Variants in GLIS3 observed in about 807,000 individuals in gnomAD.
The protein encoded by GLIS3 is zinc finger protein GLIS3.
GLIS3 carries 53 observed loss-of-function variants against 78.6 expected under a neutral mutation model. The ratio of observed to expected loss-of-function variants is 0.67; its 90% CI spans 0.54 to 0.85. The LOEUF (loss-of-function observed/expected upper bound fraction) is 0.85. Ranked by LOEUF, GLIS3 falls within the 40% of genes least tolerant of loss-of-function variation. The pLI is 0.00. For synonymous variants in GLIS3, 684 were observed against 509.9 expected (o/e 1.34, Z -4.60); for missense variants, 1,703 against 1,231.1 (o/e 1.38, Z -5.74).
At chr9:4,338,840 T>G (rs1219642258) in intron 2 of GLIS3, among the ~76,000 whole-genome samples, 1 of 152,172 alleles carries the variant, frequency 6.6e-6, no homozygotes, top group Non-Finnish European at 1.5e-5. Context: ...CAGAGATCCT[T>G]ATTTAATTGG....
the GLIS3 span, among the ~76,000 whole-genome samples, chr9:4,393,769 C>T: frequency 6.6e-6 from 1 of 152,150 alleles, no homozygotes; most frequent in Admixed American, 6.5e-5. Flanking sequence ...TCAGGAGGTA[C>T]ATTATGTTAG....
intron 4 of GLIS3, among the ~76,000 whole-genome samples, chr9:4,005,733 T>C (rs1821490776): frequency 6.6e-6 from 1 of 152,172 alleles, no homozygotes; most frequent in South Asian, 2.1e-4. Flanking sequence ...AACCTAAACA[T>C]CTGCCAACAG....
At chr9:4,189,555 C>G (rs1278224876) in intron 2 of GLIS3, among the ~76,000 whole-genome samples, 2 of 152,062 alleles carry the variant, frequency 1.3e-5, no homozygotes, top group African/African-American at 4.8e-5. Flanking sequence ...TCGTTGTTAA[C>G]TTTCTGTCTC....
chr9:3,857,705 C>T lies in GLIS3; in HGVS notation c.2298-1521G>A, dbSNP rs185910973. 5.3e-5 allele frequency among the ~76,000 whole-genome samples: 8 copies of T among 152,248 alleles called. No individual in the cohort carries two copies. In the East Asian group the frequency reaches 5.8e-4, roughly 11 times the overall value. ...GAAAGAGAATAGTAAGTGACTGCACCGTGCTGAGTAAATACACATTTTCTG... is the reference window on the plus strand; with the variant it reads ...GAAAGAGAATAGTAAGTGACTGCACTGTGCTGAGTAAATACACATTTTCTG... On this transcript the variant is annotated intron_variant, in intron 8 of 10. Transcript: ENST00000381971.
At chr9:4,242,372 C>T (rs949028324) in intron 2 of GLIS3, among the ~76,000 whole-genome samples, 1 of 152,142 alleles carries the variant, frequency 6.6e-6, no homozygotes, top group Non-Finnish European at 1.5e-5. Context: ...ATACTTATTG[C>T]TCAAAAACTT....
chr9:4,176,478 A>T (rs994484423), intron 2 of GLIS3, among the ~76,000 whole-genome samples: 1 of 152,058 alleles, frequency 6.6e-6, no homozygotes. Context: ...TTGTAGACTT[A>T]ATTTTAATAT....
intron 4 of GLIS3, among the ~76,000 whole-genome samples, chr9:4,050,414 AGGGC>A (rs1825655195): frequency 6.6e-6 from 1 of 151,942 alleles, no homozygotes; most frequent in Non-Finnish European, 1.5e-5. Context: ...ACTTGTACAC[AGGGC>A]GGGGAACATC....
intron 10 of GLIS3, 77 bp from the exon 11 acceptor site, chr9:3,828,485 C>T: frequency 1.3e-6 from 2 of 1,579,388 alleles, no homozygotes; most frequent in Non-Finnish European, 8.6e-7. Context: ...TACAGTAATG[C>T]AGCTCACCAA....
the GLIS3 span, among the ~76,000 whole-genome samples, chr9:4,432,020 G>T: frequency 1.3e-5 from 2 of 152,114 alleles, no homozygotes; most frequent in Admixed American, 1.3e-4. Flanking sequence ...CAGGCAGCAG[G>T]ACCGATCTGG....
At chr9:4,448,131 G>C in the GLIS3 span, among the ~76,000 whole-genome samples, 1 of 152,268 alleles carries the variant, frequency 6.6e-6, no homozygotes, top group Non-Finnish European at 1.5e-5. Flanking sequence ...AAACTCTCAT[G>C]TGATTCCTCA....
At chr9:4,366,708 C>A in the GLIS3 span, among the ~76,000 whole-genome samples, 2 of 152,190 alleles carry the variant, frequency 1.3e-5, no homozygotes, top group African/African-American at 4.8e-5. Flanking sequence ...TCTGAGCTGG[C>A]TGGAGGCTCC....
Position 4,015,301 on chromosome 9 carries a change from A to G in GLIS3, c.1711-78112T>C, listed in dbSNP as rs192024102. Among the ~76,000 whole-genome samples the G allele has an allele frequency of 1.1e-3, 162 of 152,298 alleles. 1 individual carries two copies. Among genetic ancestry groups the G allele is most frequent in the African/African-American group, 3.7e-3 (154 of 41,558 alleles). On this transcript the variant is annotated intron_variant, in intron 4 of 10. Coordinates refer to ENST00000381971, the MANE Select transcript of GLIS3 (RefSeq NM_001042413.2). ...GGTAAAGAGTCTAACCTTCTCCTCA[A>G]TCTTCTTTCTTCTACACTGCCTTTC... is the stretch of plus-strand genomic sequence containing the variant.
the GLIS3 span, among the ~76,000 whole-genome samples, chr9:4,387,292 A>AG: frequency 6.6e-6 from 1 of 151,380 alleles, no homozygotes; most frequent in Non-Finnish European, 1.5e-5. Flanking sequence ...ATGGCCTCCC[A>AG]GAATTTTTTT....
At chr9:4,334,661 C>A (rs1270426747) in intron 2 of GLIS3, among the ~76,000 whole-genome samples, 1 of 152,196 alleles carries the variant, frequency 6.6e-6, no homozygotes, top group African/African-American at 2.4e-5. Flanking sequence ...CCACTGTCCC[C>A]ATGCTGCTTT....
the GLIS3 span, among the ~76,000 whole-genome samples, chr9:4,398,670 G>C: frequency 6.6e-6 from 1 of 151,740 alleles, no homozygotes; most frequent in Non-Finnish European, 1.5e-5. Flanking sequence ...TGAAGTAGTT[G>C]CTTAAGCTCT....
At chr9:4,130,098 G>A (rs1832863242) in intron 2 of GLIS3, among the ~76,000 whole-genome samples, 2 of 152,318 alleles carry the variant, frequency 1.3e-5, no homozygotes, top group South Asian at 4.1e-4. Context: ...TCTGGAGGAA[G>A]AAATTTCTAA....
chr9:4,375,808 A>C, the GLIS3 span, among the ~76,000 whole-genome samples: 2 of 152,136 alleles, frequency 1.3e-5, no homozygotes, highest in South Asian at 4.1e-4. Context: ...AGTACTTGAC[A>C]GAAAACATGG....
chr9:3,918,223 G>A (rs1824650285), intron 6 of GLIS3, among the ~76,000 whole-genome samples: 1 of 152,092 alleles, frequency 6.6e-6, no homozygotes, highest in Non-Finnish European at 1.5e-5. Context: ...GTCATTTGAG[G>A]GCAGGCTGGG....
At chr9:4,079,623 C>T (rs1177768970) in intron 4 of GLIS3, among the ~76,000 whole-genome samples, 2 of 152,168 alleles carry the variant, frequency 1.3e-5, no homozygotes, top group East Asian at 3.9e-4. Context: ...TATCCCCAAG[C>T]ATGTCCCCAG....
Sources: gnomAD v4.1 joint callset for allele counts (sites outside exome capture counted in the v4.1 genomes callset) on GRCh38, gnomAD v4.1.1 for gene constraint, MANE v1.5 for transcripts, NCBI Gene and HGNC (gene_info 2026-07-23, HGNC 2026-07-21) for gene names.